The following NBEAL1 variants were observed in gnomAD, a reference collection of about 807,000 sequenced individuals.
NBEAL1 encodes neurobeachin like 1.
NBEAL1 carries 273 observed loss-of-function variants against 351.3 expected under a neutral mutation model. The observed-to-expected ratio is 0.78, with a 90% confidence interval of 0.70 to 0.86. NBEAL1 has a LOEUF of 0.86. Ranked by LOEUF, NBEAL1 falls within the 40% of genes least tolerant of loss-of-function variation. The pLI, the probability that NBEAL1 is intolerant of heterozygous loss-of-function variation, is 0.00. For synonymous variants in NBEAL1, 1,050 were observed against 1,086.4 expected (o/e 0.97, Z 0.66); for missense variants, 2,961 against 3,201.3 (o/e 0.92, Z 1.81).
chr2:203,049,791 A>G (rs1040816952), intron 3 of NBEAL1, 23 bp from the exon 4 acceptor site: 1 of 1,496,506 alleles, frequency 6.7e-7, no homozygotes, highest in Non-Finnish European at 8.9e-7. Flanking sequence ...CAGGCTTCTT[A>G]TTTTTTTCCC....
rs557655129 is a variant in NBEAL1, at chr2:203,047,161, C to T, written c.144-2653C>T. Among the ~76,000 whole-genome samples the T allele has an allele frequency of 5.3e-5, 8 of 151,678 alleles. No individual in the cohort carries two copies. The South Asian group carries it at 1.3e-3, about 24-fold the overall frequency. On this transcript the variant is annotated intron_variant, in intron 3 of 55. Coordinates refer to ENST00000683969, the MANE Select transcript of NBEAL1 (RefSeq NM_001378026.1). ...CTGAGGCAGCAGAATCGCTTGAATGCGGGAGGCCAAGGTTGCAGTGAGCTG... is the reference window on the plus strand; with the variant it reads ...CTGAGGCAGCAGAATCGCTTGAATGTGGGAGGCCAAGGTTGCAGTGAGCTG...
At chr2:203,169,966 T>C in intron 39 of NBEAL1, 115 bp downstream of exon 39, 1 of 659,566 alleles carries the variant, frequency 1.5e-6, no homozygotes, top group South Asian at 1.8e-5. Context: ...TTCAGACTGA[T>C]CTTTTGAATT....
intron 25 of NBEAL1, among the ~76,000 whole-genome samples, chr2:203,131,325 C>T (rs894618351): frequency 3.3e-5 from 5 of 152,192 alleles, no homozygotes; most frequent in Admixed American, 6.5e-5. Flanking sequence ...ATGTGATTCT[C>T]CTGCTTCAGC....
intron 12 of NBEAL1, among the ~76,000 whole-genome samples, chr2:203,101,162 C>T (rs1018460091): frequency 8.6e-5 from 13 of 151,978 alleles, no homozygotes; most frequent in African/African-American, 2.9e-4. Flanking sequence ...TCTAATCCAT[C>T]TTGAGTTGAT....
At chr2:203,084,612 A>G (rs757803541) in intron 10 of NBEAL1, 43 bp downstream of exon 10, 33 of 1,219,730 alleles carry the variant, frequency 2.7e-5, no homozygotes, top group Non-Finnish European at 3.2e-5. Flanking sequence ...TTAAGAAGCT[A>G]TTTTTTGTTT....
At chr2:203,026,728 T>C (rs1423972126) in intron 2 of NBEAL1, among the ~76,000 whole-genome samples, 3 of 152,200 alleles carry the variant, frequency 2.0e-5, no homozygotes, top group Non-Finnish European at 4.4e-5. Context: ...TTGGCCAGGA[T>C]GGTCTCAATC....
At chr2:203,152,018 C>T (rs1012486057) in intron 35 of NBEAL1, among the ~76,000 whole-genome samples, 3 of 151,898 alleles carry the variant, frequency 2.0e-5, no homozygotes, top group African/African-American at 7.2e-5. Flanking sequence ...AGTGTAGTGG[C>T]GCAATCTCGG....
At chr2:203,100,750 G>A (rs1002860055) in intron 12 of NBEAL1, among the ~76,000 whole-genome samples, 2 of 151,924 alleles carry the variant, frequency 1.3e-5, no homozygotes, top group Non-Finnish European at 2.9e-5. Flanking sequence ...GTTTCACCAC[G>A]TTGGCCAGGC....
intron 45 of NBEAL1, among the ~76,000 whole-genome samples, chr2:203,190,053 T>TCC (rs2105773289): frequency 6.6e-6 from 1 of 151,806 alleles, no homozygotes; most frequent in East Asian, 2.0e-4. Context: ...GGAGAATTGT[T>TCC]TGAACCCAGG....
chr2:203,178,979 G>A (rs1163210216), intron 42 of NBEAL1, among the ~76,000 whole-genome samples: 2 of 152,110 alleles, frequency 1.3e-5, no homozygotes, highest in Non-Finnish European at 2.9e-5. Context: ...ACTATATACT[G>A]AAATGTTTTA....
intron 54 of NBEAL1, among the ~76,000 whole-genome samples, chr2:203,212,600 C>CT (rs2105854886): frequency 7.0e-6 from 1 of 142,908 alleles, no homozygotes; most frequent in Admixed American, 7.0e-5. Context: ...GAGCGAGACT[C>CT]CATCTCAAAA....
At chr2:203,080,861 G>T (rs2061859435) in intron 8 of NBEAL1, among the ~76,000 whole-genome samples, 1 of 152,122 alleles carries the variant, frequency 6.6e-6, no homozygotes. Flanking sequence ...GTGAAAAAAT[G>T]ATTAAGTATA....
Position 203,113,260 on chromosome 2 carries a change from T to G in NBEAL1, c.2448T>G (p.Ser816=), listed in dbSNP as rs1574986916. The G allele has an allele frequency of 2.0e-6, 3 of 1,491,662 alleles. No individual in the cohort carries two copies. Among genetic ancestry groups the G allele is most frequent in the Non-Finnish European group, 8.9e-7 (1 of 1,119,420 alleles). 92.4% of individuals were successfully genotyped at this position (1,491,662 alleles called of 1,614,324 possible). Residue 816 remains serine (S), a synonymous_variant, in exon 17 of 56, where the codon TCT becomes TCG. Coordinates refer to ENST00000683969, the MANE Select transcript of NBEAL1 (RefSeq NM_001378026.1). Reference sequence around the variant, plus strand: ...CATCTCTGGAGGGTCAGCTAGGATCTGTTATCATCTTTTATGAACCACTAC... The same window carrying G: ...CATCTCTGGAGGGTCAGCTAGGATCGGTTATCATCTTTTATGAACCACTAC... ...CPTSLEGQLG[S]VIIFYEPLQP...
At chr2:203,158,812 A>AG (rs1242741629) in intron 36 of NBEAL1, among the ~76,000 whole-genome samples, 6 of 107,598 alleles carry the variant, frequency 5.6e-5, no homozygotes, top group African/African-American at 1.7e-4. Flanking sequence ...GTTTTTCTGT[A>AG]GGGTTTTTTT....
intron 55 of NBEAL1, among the ~76,000 whole-genome samples, chr2:203,214,440 T>C (rs971853405): frequency 2.6e-5 from 4 of 152,252 alleles, no homozygotes; most frequent in African/African-American, 7.2e-5. Flanking sequence ...TTATGCTTTT[T>C]TTCAGCATAT....
chr2:203,082,979 C>T (rs1199004405), intron 8 of NBEAL1, among the ~76,000 whole-genome samples: 1 of 152,128 alleles, frequency 6.6e-6, no homozygotes. Context: ...TATCCTTGAC[C>T]AGAACTATGT....
At chr2:203,193,983 T>C (rs1385542629) in intron 47 of NBEAL1, 72 bp downstream of exon 47, 9 of 801,230 alleles carry the variant, frequency 1.1e-5, no homozygotes, top group Non-Finnish European at 1.8e-5. Flanking sequence ...CTTTTATTAT[T>C]TAATGGGAAG....
At chr2:203,206,917 C>T in intron 51 of NBEAL1, among the ~76,000 whole-genome samples, 1 of 151,386 alleles carries the variant, frequency 6.6e-6, no homozygotes, top group Non-Finnish European at 1.5e-5. Flanking sequence ...GCCTGGCTGC[C>T]CAGTCTGGAA....
At chr2:203,142,536 G>A (rs551075191) in intron 31 of NBEAL1, among the ~76,000 whole-genome samples, 24 of 152,172 alleles carry the variant, frequency 1.6e-4, no homozygotes, top group Non-Finnish European at 3.2e-4. Flanking sequence ...AGCAATATAT[G>A]TATGTAATAT....
Sources: gnomAD v4.1 joint callset for allele counts (sites outside exome capture counted in the v4.1 genomes callset) on GRCh38, gnomAD v4.1.1 for gene constraint, MANE v1.5 for transcripts, NCBI Gene and HGNC (gene_info 2026-07-23, HGNC 2026-07-21) for gene names.